The following SLC25A12 variants were observed in gnomAD, a reference collection of about 807,000 sequenced individuals.
SLC25A12 encodes solute carrier family 25 member 12.
SLC25A12 carries 32 observed loss-of-function variants against 83.3 expected under a neutral mutation model. That is an observed-to-expected ratio of 0.38 (90% confidence interval 0.29 to 0.52). SLC25A12 has a LOEUF of 0.52. SLC25A12 is among the 20% of genes least tolerant of loss of function. The pLI, the probability that SLC25A12 is intolerant of heterozygous loss-of-function variation, is 0.84. For synonymous variants in SLC25A12, 267 were observed against 291.1 expected (o/e 0.92, Z 0.84); for missense variants, 611 against 835.6 (o/e 0.73, Z 3.31).
chr2:171,828,498 GA>G (rs1204647163), intron 8 of SLC25A12, among the ~76,000 whole-genome samples: 1 of 152,094 alleles, frequency 6.6e-6, no homozygotes, highest in Non-Finnish European at 1.5e-5. Context: ...ACAATCTTTA[GA>G]ATACATTCTA....
chr2:171,795,318 T>TTC (rs1558908677), intron 13 of SLC25A12, among the ~76,000 whole-genome samples: 1 of 152,208 alleles, frequency 6.6e-6, no homozygotes, highest in African/African-American at 2.4e-5. Flanking sequence ...TTGCCTGCCT[T>TTC]TCTCTCTCTT....
At chr2:171,885,792 C>G (rs1685805717) in intron 2 of SLC25A12, among the ~76,000 whole-genome samples, 1 of 152,180 alleles carries the variant, frequency 6.6e-6, no homozygotes, top group African/African-American at 2.4e-5. Context: ...AGATCCTTTT[C>G]TGTGTGTCTC....
intron 3 of SLC25A12, among the ~76,000 whole-genome samples, chr2:171,863,765 T>C (rs1027290087): frequency 3.3e-5 from 5 of 152,226 alleles, no homozygotes; most frequent in Non-Finnish European, 5.9e-5. Context: ...CTTTAATAAT[T>C]CTGATGAAGG....
chr2:171,833,280 T>C (rs574025844), intron 8 of SLC25A12, among the ~76,000 whole-genome samples: 1 of 152,262 alleles, frequency 6.6e-6, no homozygotes, highest in Admixed American at 6.5e-5. Context: ...GAAGAAAGAC[T>C]ATTGGTCCCT....
intron 15 of SLC25A12, among the ~76,000 whole-genome samples, chr2:171,789,480 G>A (rs1350096658): frequency 1.3e-5 from 2 of 152,066 alleles, no homozygotes; most frequent in Non-Finnish European, 1.5e-5. Flanking sequence ...TGCCCGCCTT[G>A]GCCTCCCAAA....
intron 2 of SLC25A12, among the ~76,000 whole-genome samples, chr2:171,891,214 G>A (rs1181569308): frequency 6.6e-6 from 1 of 151,924 alleles, no homozygotes; most frequent in Non-Finnish European, 1.5e-5. Flanking sequence ...CAAGAGAATT[G>A]CTTGAACCCC....
rs911856496 is a variant in SLC25A12 at position 171,785,005 on chromosome 2, G to A, written c.*269C>T. The A allele has an allele frequency of 2.4e-6, 1 of 417,338 alleles. No homozygotes were observed. The highest frequency in any genetic ancestry group is 4.5e-6 in the Non-Finnish European group (1 of 220,862). 25.9% of individuals were successfully genotyped at this position (417,338 alleles called of 1,614,324 possible). On this transcript the variant is annotated 3_prime_UTR_variant, in exon 18 of 18. Transcript: ENST00000422440. ...ATATGTACAATCACTGTAAGTGCAAGCTGTGCAAAGCAGAGTCTAGAACAC... is the reference window on the plus strand; with the variant it reads ...ATATGTACAATCACTGTAAGTGCAAACTGTGCAAAGCAGAGTCTAGAACAC...
chr2:171,805,988 A>G (rs764090779), intron 13 of SLC25A12, among the ~76,000 whole-genome samples: 3 of 151,638 alleles, frequency 2.0e-5, no homozygotes, highest in African/African-American at 4.9e-5. Flanking sequence ...ATGCACCTGT[A>G]GTCCCAGCTA....
intron 4 of SLC25A12, among the ~76,000 whole-genome samples, chr2:171,847,450 T>C (rs974040708): frequency 1.1e-4 from 16 of 152,342 alleles, no homozygotes; most frequent in South Asian, 6.2e-4. Context: ...GTTACCCAGC[T>C]TTATCAGGTC....
chr2:171,850,565 C>A (rs1216262747), intron 4 of SLC25A12, among the ~76,000 whole-genome samples: 1 of 150,994 alleles, frequency 6.6e-6, no homozygotes, highest in Non-Finnish European at 1.5e-5. Context: ...CCAGGCTGGT[C>A]CATATTGGCC....
chr2:171,815,124 C>T lies in SLC25A12; in HGVS notation c.1009G>A (p.Gly337Arg). 1 of 1,613,112 alleles carries T rather than the reference C, an allele frequency of 6.2e-7. No homozygotes were observed. The highest frequency in any genetic ancestry group is 8.5e-7 in the Non-Finnish European group (1 of 1,179,178). The change falls in exon 10 of 18, where the codon GGA becomes AGA. Residue 337 changes from glycine (G) to arginine (R), a missense_variant. By Grantham distance (125) the Gly-to-Arg change is moderately radical. Coordinates refer to ENST00000422440, the MANE Select transcript of SLC25A12 (RefSeq NM_003705.5). The stretch of plus-strand genomic sequence containing the variant: ...AGCACACAGACATGTCACTCACCTC[C>T]AGCAACTGAGCCCAGAGTGAATCTG... ...AYRFTLGSVAGAVGATAVYPI... is the reference protein window; with the variant it reads ...AYRFTLGSVARAVGATAVYPI...
intron 10 of SLC25A12, among the ~76,000 whole-genome samples, chr2:171,813,773 C>A (rs1459340793): frequency 6.6e-6 from 1 of 152,186 alleles, no homozygotes; most frequent in Non-Finnish European, 1.5e-5. Context: ...TATCGAGTCA[C>A]TTCCCAAATT....
intron 9 of SLC25A12, among the ~76,000 whole-genome samples, chr2:171,820,895 A>G (rs1388855525): frequency 1.3e-5 from 2 of 151,852 alleles, no homozygotes; most frequent in Non-Finnish European, 2.9e-5. Flanking sequence ...CCCTCAAATC[A>G]AAATTTCCAT....
chr2:171,812,311 T>G (rs1037025354), intron 11 of SLC25A12, among the ~76,000 whole-genome samples: 3 of 152,196 alleles, frequency 2.0e-5, no homozygotes, highest in Admixed American at 2.0e-4. Flanking sequence ...GTTTTTTTCC[T>G]CCTGTCCATG....
At chr2:171,886,732 A>G (rs55966819) in intron 2 of SLC25A12, among the ~76,000 whole-genome samples, 4,048 of 152,016 alleles carry the variant, frequency 0.027, 72 homozygotes, top group Admixed American at 0.074. Context: ...GGATGGTCTC[A>G]ATCTCCTGAC....
intron 4 of SLC25A12, chr2:171,848,391 T>A: frequency 2.4e-6 from 1 of 413,824 alleles, no homozygotes. Flanking sequence ...ACTTATAGGC[T>A]TGAGACCAAA....
At chr2:171,833,060 C>T (rs1344689463) in intron 8 of SLC25A12, among the ~76,000 whole-genome samples, 1 of 152,064 alleles carries the variant, frequency 6.6e-6, no homozygotes, top group East Asian at 1.9e-4. Flanking sequence ...CTTTTTGGAC[C>T]ATGTTTGTTC....
chr2:171,834,454 T>C lies in SLC25A12; in HGVS notation c.751+273A>G, dbSNP rs1684512897. 1.2e-5 allele frequency: 6 copies of C among 493,502 alleles called. No individual in the cohort carries two copies. The South Asian group carries it at 1.3e-4, about 11-fold the overall frequency. The allele number at this position is 493,502 out of a possible 1,614,324, so 30.6% of individuals were successfully genotyped here. ...TCATCTTTCTGTGGCAACTCCTTCCTAGTACAAACAAGCTGCTGCCACACT... is the reference window on the plus strand; with the variant it reads ...TCATCTTTCTGTGGCAACTCCTTCCCAGTACAAACAAGCTGCTGCCACACT... On this transcript the variant is annotated intron_variant, in intron 7 of 17. Transcript: ENST00000422440.
At chr2:171,867,136 C>G (rs1322076678) in intron 3 of SLC25A12, among the ~76,000 whole-genome samples, 1 of 149,166 alleles carries the variant, frequency 6.7e-6, no homozygotes, top group African/African-American at 2.5e-5. Context: ...AGAGACGCTC[C>G]TCACTTTCCA....
Sources: gnomAD v4.1 joint callset for allele counts (sites outside exome capture counted in the v4.1 genomes callset) on GRCh38, gnomAD v4.1.1 for gene constraint, MANE v1.5 for transcripts, NCBI Gene and HGNC (gene_info 2026-07-23, HGNC 2026-07-21) for gene names.